Variants in XRN1 observed in about 807,000 individuals in gnomAD.
XRN1 encodes the protein 5'-3' exoribonuclease 1, also known as strand-exchange protein 1 homolog.
In XRN1, 67 loss-of-function variants were observed where a neutral mutation model predicts 222.3. The ratio of observed to expected loss-of-function variants is 0.30; its 90% confidence interval spans 0.25 to 0.37. The LOEUF is 0.37. XRN1 is among the 10% of genes least tolerant of loss of function. XRN1 has a pLI of 1.00. For synonymous variants in XRN1, 643 were observed against 652.4 expected (o/e 0.99, Z 0.22); for missense variants, 1,707 against 2,000.2 (o/e 0.85, Z 2.80).
chr3:142,420,214 G>C (rs914419566), intron 10 of XRN1: 1 of 151,996 alleles, frequency 6.6e-6, no homozygotes, highest in Non-Finnish European at 1.5e-5. Context: ...CCAGGGGAAA[G>C]TGTGAATGCA....
At chr3:142,408,817 G>A (rs1016527742) in intron 15 of XRN1, among the ~76,000 whole-genome samples, 1 of 152,168 alleles carries the variant, frequency 6.6e-6, no homozygotes, top group African/African-American at 2.4e-5. Context: ...CCCATTAGCA[G>A]TGTATAAAAA....
intron 33 of XRN1, among the ~76,000 whole-genome samples, chr3:142,338,774 G>A (rs1383876071): frequency 1.3e-5 from 2 of 151,982 alleles, no homozygotes; most frequent in East Asian, 3.9e-4. Context: ...CAAGCTGACT[G>A]AAGAACCCTT....
chr3:142,403,002 T>G (rs1260523111), intron 18 of XRN1, among the ~76,000 whole-genome samples: 2 of 152,236 alleles, frequency 1.3e-5, no homozygotes, highest in Admixed American at 1.3e-4. Context: ...TTGATTTCTC[T>G]TTTGTGCAAT....
At chr3:142,370,724 T>C in intron 26 of XRN1, 104 bp from the exon 27 acceptor site, 1 of 902,180 alleles carries the variant, frequency 1.1e-6, no homozygotes, top group South Asian at 2.4e-5. Flanking sequence ...TCACTGAACT[T>C]AATCGGGACT....
intron 37 of XRN1, among the ~76,000 whole-genome samples, chr3:142,326,897 T>A (rs780428699): frequency 3.9e-5 from 6 of 152,136 alleles, no homozygotes; most frequent in Non-Finnish European, 5.9e-5. Flanking sequence ...TTTTTGTTCT[T>A]CATTTTGTTG....
At chr3:142,353,503 A>T (rs1480373836) in intron 32 of XRN1, among the ~76,000 whole-genome samples, 1 of 152,224 alleles carries the variant, frequency 6.6e-6, no homozygotes, top group East Asian at 1.9e-4. Context: ...CCAATGGAAC[A>T]GAATAGAGAA....
chr3:142,416,158 A>G lies in XRN1; in HGVS notation c.1436+982T>C, dbSNP rs141789805. ...TTCCTAGAAGTAAGCCCATTTTTCA[A>G]TGATTATTCTGTTTATTTATTTATT... On this transcript the variant is annotated intron_variant, in intron 13 of 40. Coordinates refer to ENST00000392981, the MANE Select transcript of XRN1 (RefSeq NM_001282857.2). Among the ~76,000 whole-genome samples, 143 of 151,898 alleles carry G rather than the reference A, an allele frequency of 9.4e-4. 2 individuals are homozygous for G. Among genetic ancestry groups the G allele is most frequent in the African/African-American group, 2.9e-3 (119 of 41,456 alleles).
rs770545458 is a variant in XRN1, at chr3:142,371,273, C to T, written c.3034G>A (p.Glu1012Lys). The T allele has an allele frequency of 2.5e-6, 4 of 1,613,506 alleles. No homozygotes were observed. Among genetic ancestry groups the T allele is most frequent in the Non-Finnish European group, 1.7e-6 (2 of 1,179,906 alleles). Residue 1012 changes from glutamate (E) to lysine (K), a missense_variant, in exon 26 of 41, where the codon GAA becomes AAA. Transcript: ENST00000392981. ...AKNSQEDVFY[E>K]DDIWPGENEN... ...TTTTCTCCAGGCCAAATGTCATCTT[C>T]ATAGAACACATCCTCTTGGCTATTT...
intron 1 of XRN1, among the ~76,000 whole-genome samples, chr3:142,444,557 C>T (rs537401919): frequency 2.0e-5 from 3 of 152,012 alleles, no homozygotes; most frequent in East Asian, 1.9e-4. Flanking sequence ...TGCAGTGAGC[C>T]GAGATTGCGT....
At chr3:142,394,560 C>T (rs894243051) in intron 20 of XRN1, among the ~76,000 whole-genome samples, 1 of 152,184 alleles carries the variant, frequency 6.6e-6, no homozygotes, top group Non-Finnish European at 1.5e-5. Context: ...ATCTGCTTTA[C>T]AAGGAAAATA....
intron 20 of XRN1, among the ~76,000 whole-genome samples, chr3:142,391,395 A>G (rs963313107): frequency 6.6e-6 from 1 of 152,116 alleles, no homozygotes; most frequent in Non-Finnish European, 1.5e-5. Context: ...TTCTTTTACT[A>G]TATACTTTTA....
At position 142,373,795 on chromosome 3, in the gene XRN1, G is replaced by A. The variant is rs139987948; in HGVS notation, c.2978+2003C>T. Reference sequence around the variant, plus strand: ...TTGAGGTCAGGGGTTTGAGACCAACGTGGTGAAACCCCATCTCTACTAAAA... The same window carrying A: ...TTGAGGTCAGGGGTTTGAGACCAACATGGTGAAACCCCATCTCTACTAAAA... On this transcript the variant is annotated intron_variant, in intron 25 of 40. Coordinates refer to ENST00000392981, the MANE Select transcript of XRN1 (RefSeq NM_001282857.2). Among the ~76,000 whole-genome samples, 160 of 152,022 alleles carry A rather than the reference G, an allele frequency of 1.1e-3. 1 individual carries two copies. Among genetic ancestry groups the A allele is most frequent in the African/African-American group, 3.5e-3 (146 of 41,494 alleles).
chr3:142,433,569 C>T (rs1304093962), intron 1 of XRN1, among the ~76,000 whole-genome samples: 1 of 152,004 alleles, frequency 6.6e-6, no homozygotes, highest in African/African-American at 2.4e-5. Flanking sequence ...TGTGTTGGAA[C>T]TCTTGGTCCC....
intron 36 of XRN1, among the ~76,000 whole-genome samples, chr3:142,330,857 A>C (rs888571925): frequency 2.0e-5 from 3 of 152,058 alleles, no homozygotes; most frequent in Non-Finnish European, 4.4e-5. Context: ...CCCAGGCTCG[A>C]GTGTGATGGC....
intron 14 of XRN1, among the ~76,000 whole-genome samples, chr3:142,413,698 T>C (rs775556410): frequency 3.9e-5 from 6 of 152,222 alleles, no homozygotes; most frequent in Non-Finnish European, 8.8e-5. Flanking sequence ...ATAAATAAAA[T>C]GTTTAAAAAC....
intron 33 of XRN1, among the ~76,000 whole-genome samples, chr3:142,338,926 T>G (rs1025652677): frequency 3.3e-5 from 5 of 152,300 alleles, no homozygotes; most frequent in African/African-American, 9.6e-5. Flanking sequence ...CCAGCTTAGC[T>G]GCAGTACAAC....
At chr3:142,376,444 GC>G (rs1332233358) in intron 24 of XRN1, 34 bp downstream of exon 24, 1 of 1,442,680 alleles carries the variant, frequency 6.9e-7, no homozygotes, top group Non-Finnish European at 9.7e-7. Flanking sequence ...TAATTTTTCT[GC>G]CACTTTAAGT....
At position 142,375,773 on chromosome 3, in the gene XRN1, T is replaced by A. The variant is rs376208490; in HGVS notation, c.2978+25A>T. Reference sequence around the variant, plus strand: ...TATTTTCCTAAGATTTTGGAATGACTACTAGTATCTTATTATGTACTTACC... The same window carrying A: ...TATTTTCCTAAGATTTTGGAATGACAACTAGTATCTTATTATGTACTTACC... On this transcript the variant is annotated intron_variant, in intron 25 of 40. Coordinates refer to ENST00000392981, the MANE Select transcript of XRN1 (RefSeq NM_001282857.2). 12 of 1,593,552 alleles carry A rather than the reference T, an allele frequency of 7.5e-6. 2 individuals are homozygous for A. The South Asian group carries it at 1.4e-4, about 18-fold the overall frequency.
Position 142,422,583 on chromosome 3 carries a change from C to A in XRN1, c.966G>T (p.Gly322=), listed in dbSNP as rs776668769. 1.2e-6 allele frequency: 2 copies of A among 1,612,594 alleles called. No homozygotes were observed. The highest frequency in any genetic ancestry group is 1.1e-5 in the South Asian group (1 of 90,786). ...GAGAGATTATTAAATTCTTCTTACC[C>A]CCAAGTTCTGGCAGGATGGTAACAT... is the stretch of plus-strand genomic sequence containing the variant. The part of the protein sequence containing the change: ...GTYVTILPEL[G]GYINESGHLN... The change falls in exon 8 of 41, where the codon GGG becomes GGT. Residue 322 remains glycine (G), a splice_region_variant and synonymous_variant. Transcript: ENST00000392981.
Sources: allele counts gnomAD v4.1 joint callset (sites outside exome capture counted in the v4.1 genomes callset), GRCh38; gene constraint gnomAD v4.1.1; transcripts MANE v1.5; gene names NCBI Gene and HGNC (gene_info 2026-07-23, HGNC 2026-07-21).